Variants in KITLG observed in about 807,000 individuals in gnomAD.
KITLG encodes the protein KIT ligand, also known as c-Kit ligand.
KITLG carries 13 observed loss-of-function variants against 34.1 expected under a neutral mutation model. The observed-to-expected ratio is 0.38, with a 90% CI of 0.25 to 0.61. The LOEUF is 0.61. KITLG is among the 20% of genes least tolerant of loss of function. The pLI, the probability that KITLG is intolerant of heterozygous loss-of-function variation, is 0.60. For missense variants in KITLG, 292 were observed against 318.9 expected (o/e 0.92, Z 0.64); for synonymous variants, 110 against 104.0 (o/e 1.06, Z -0.35).
At chr12:88,504,219 T>G (rs1868963392) in intron 9 of KITLG, among the ~76,000 whole-genome samples, 1 of 152,122 alleles carries the variant, frequency 6.6e-6, no homozygotes, top group Admixed American at 6.6e-5. Flanking sequence ...ACATTTCAAT[T>G]ATGTAACAGC....
intron 5 of KITLG, 143 bp downstream of exon 5, chr12:88,516,191 T>C (rs926631585): frequency 1.4e-6 from 1 of 716,086 alleles, no homozygotes; most frequent in Non-Finnish European, 2.4e-6. Context: ...CATTAGTTTC[T>C]TCTGTGCTAT....
Position 88,580,373 on chromosome 12 carries a change from C to T in KITLG, c.-95G>A. 7.0e-7 allele frequency: 1 copy of T among 1,431,064 alleles called. No individual in the cohort carries two copies. Among genetic ancestry groups the T allele is most frequent in the South Asian group, 1.2e-5 (1 of 83,060 alleles). 88.6% of individuals were successfully genotyped at this position (1,431,064 alleles called of 1,614,324 possible). ...CAGCATATTGCACGAACAGCGGCGG[C>T]AGATAGTCCACGCATTGGGTAGCCC... On this transcript the variant is annotated 5_prime_UTR_variant, in exon 1 of 10. Coordinates refer to ENST00000644744, the MANE Select transcript of KITLG (RefSeq NM_000899.5).
At chr12:88,578,566 G>A (rs1871906117) in intron 1 of KITLG, among the ~76,000 whole-genome samples, 2 of 152,168 alleles carry the variant, frequency 1.3e-5, no homozygotes, top group South Asian at 4.1e-4. Context: ...TAATCAAAGC[G>A]AGAAAGGAGA....
At chr12:88,547,180 C>CTATT (rs1870748129) in intron 1 of KITLG, among the ~76,000 whole-genome samples, 1 of 152,130 alleles carries the variant, frequency 6.6e-6, no homozygotes, top group Non-Finnish European at 1.5e-5. Flanking sequence ...GAAATCTTCT[C>CTATT]TATTTACATA....
rs1368777142 is a variant in KITLG at position 88,536,445 on chromosome 12, G to A, written c.130-3942C>T. On this transcript the variant is annotated intron_variant, in intron 2 of 9. Transcript: ENST00000644744. Reference sequence around the variant, plus strand: ...AGTGTAGCGATTCCTCAAGGATCTAGAACCAGAAATACCATTTGACCCAGC... The same window carrying A: ...AGTGTAGCGATTCCTCAAGGATCTAAAACCAGAAATACCATTTGACCCAGC... 2.6e-5 allele frequency among the ~76,000 whole-genome samples: 4 copies of A among 152,088 alleles called. No homozygotes were observed. In the South Asian group the frequency reaches 6.2e-4, roughly 24 times the overall value.
intron 2 of KITLG, among the ~76,000 whole-genome samples, chr12:88,538,241 T>C (rs997752552): frequency 1.3e-5 from 2 of 151,758 alleles, no homozygotes; most frequent in Admixed American, 6.6e-5. Context: ...AGATAAGAAA[T>C]ATTCCAGGAA....
rs1871971167 is a variant in KITLG at position 88,580,255 on chromosome 12, C to G, written c.15+9G>C. 2 of 1,608,478 alleles carry G rather than the reference C, an allele frequency of 1.2e-6. No individual in the cohort carries two copies. The highest frequency in any genetic ancestry group is 1.7e-5 in the Admixed American group (1 of 59,406). ...AGAGCCTGGGAGCTCCCGGGCGCGCCCTACTCACTTGTGTCTTCTTCATAA... is the reference window on the plus strand; with the variant it reads ...AGAGCCTGGGAGCTCCCGGGCGCGCGCTACTCACTTGTGTCTTCTTCATAA... On this transcript the variant is annotated intron_variant, in intron 1 of 9. Transcript: ENST00000644744.
chr12:88,518,540 CTTG>C (rs1458036859), intron 4 of KITLG, among the ~76,000 whole-genome samples, 154 bp downstream of exon 4: 1 of 152,102 alleles, frequency 6.6e-6, no homozygotes, highest in Non-Finnish European at 1.5e-5. Context: ...ACTGCAAATA[CTTG>C]TTTTCTTTGC....
chr12:88,579,337 G>A (rs1440606282), intron 1 of KITLG, among the ~76,000 whole-genome samples: 2 of 152,088 alleles, frequency 1.3e-5, no homozygotes. Context: ...AACCGCGGCA[G>A]ATAACACATA....
intron 1 of KITLG, among the ~76,000 whole-genome samples, chr12:88,579,388 C>T (rs545295177): frequency 3.9e-5 from 6 of 152,110 alleles, no homozygotes; most frequent in Non-Finnish European, 5.9e-5. Context: ...TAACAATCAA[C>T]AATGGTGAAG....
chr12:88,498,352 T>C (rs1178765936), intron 9 of KITLG, among the ~76,000 whole-genome samples: 1 of 152,140 alleles, frequency 6.6e-6, no homozygotes, highest in Non-Finnish European at 1.5e-5. Context: ...AACTGTCTTA[T>C]ACAACAATTT....
At chr12:88,577,874 C>G (rs1200704746) in intron 1 of KITLG, among the ~76,000 whole-genome samples, 1 of 152,046 alleles carries the variant, frequency 6.6e-6, no homozygotes, top group African/African-American at 2.4e-5. Flanking sequence ...AAATCAAACC[C>G]CATTTTAAAA....
chr12:88,572,624 G>A (rs1703084), intron 1 of KITLG, among the ~76,000 whole-genome samples: 4,010 of 131,598 alleles, frequency 0.03, 184 homozygotes, highest in African/African-American at 0.1. Flanking sequence ...TATATAATTT[G>A]TTACAAAGAT....
chr12:88,559,762 G>C (rs1371377803), intron 1 of KITLG, among the ~76,000 whole-genome samples: 1 of 152,088 alleles, frequency 6.6e-6, no homozygotes, highest in Non-Finnish European at 1.5e-5. Flanking sequence ...CAATCCATGA[G>C]AGTTTAATAC....
At chr12:88,545,412 C>T (rs185287001) in intron 2 of KITLG, among the ~76,000 whole-genome samples, 107 of 152,188 alleles carry the variant, frequency 7.0e-4, no homozygotes, top group African/African-American at 2.5e-3. Context: ...GCTGGGAAAC[C>T]CACTGGAGAG....
chr12:88,549,150 A>G (rs569589310), intron 1 of KITLG, among the ~76,000 whole-genome samples: 24 of 152,288 alleles, frequency 1.6e-4, no homozygotes, highest in African/African-American at 5.8e-4. Flanking sequence ...TAAATTAGGG[A>G]GCAGTAGAAG....
chr12:88,547,500 T>A (rs1405388360), intron 1 of KITLG, among the ~76,000 whole-genome samples: 1 of 152,228 alleles, frequency 6.6e-6, no homozygotes, highest in Non-Finnish European at 1.5e-5. Flanking sequence ...TATTTCTGTT[T>A]GAGGATTCTT....
At chr12:88,510,104 G>A (rs1454239435) in intron 6 of KITLG, among the ~76,000 whole-genome samples, 1 of 152,024 alleles carries the variant, frequency 6.6e-6, no homozygotes, top group East Asian at 1.9e-4. Flanking sequence ...AGAAATCTTG[G>A]GAACTGACTT....
At chr12:88,550,109 G>C (rs1029540589) in intron 1 of KITLG, among the ~76,000 whole-genome samples, 1 of 152,206 alleles carries the variant, frequency 6.6e-6, no homozygotes, top group East Asian at 1.9e-4. Flanking sequence ...TAGAAAGCAG[G>C]AGATGAGATT....
Sources: gnomAD v4.1 joint callset for allele counts (sites outside exome capture counted in the v4.1 genomes callset) on GRCh38, gnomAD v4.1.1 for gene constraint, MANE v1.5 for transcripts, NCBI Gene and HGNC (gene_info 2026-07-23, HGNC 2026-07-21) for gene names.